Variants in ANKRD31 observed in about 807,000 individuals in gnomAD.
ANKRD31 encodes ankyrin repeat domain 31, also known as ankyrin repeat domain-containing protein 31.
Under a neutral mutation model 186.0 loss-of-function variants are expected in ANKRD31, and 147 were observed. The ratio of observed to expected loss-of-function variants is 0.79; its 90% confidence interval spans 0.69 to 0.91. The LOEUF is 0.91. ANKRD31 is among the 40% of genes least tolerant of loss of function. The pLI is 0.00. For missense variants in ANKRD31, 1,986 were observed against 2,148.8 expected, an observed-to-expected ratio of 0.92 and a Z score of 1.50; for synonymous variants, 673 against 736.4, an observed-to-expected ratio of 0.91 and a Z score of 1.39.
chr5:75,168,084 C>T (rs1444712678), intron 11 of ANKRD31, among the ~76,000 whole-genome samples: 1 of 151,964 alleles, frequency 6.6e-6, no homozygotes, highest in East Asian at 1.9e-4. Context: ...CATTATCAAA[C>T]AAGCAAACAA....
Position 75,236,624 on chromosome 5 carries a change from C to T in ANKRD31, c.63G>A (p.Val21=), listed in dbSNP as rs900203072. Residue 21 remains valine (V), a synonymous_variant, in exon 1 of 26, where the codon GTG becomes GTA. Coordinates refer to ENST00000506364, the MANE Select transcript of ANKRD31 (RefSeq NM_001372053.1). ...CCTTTTCTTCCAGGTCGCTCTCCGT[C>T]ACTGAACCCTCTATCACAGTTTCAT... is the stretch of plus-strand genomic sequence containing the variant. ...DSDETVIEGS[V]TESDLEEKEL... is the part of the protein sequence containing the mutation. 1 of 1,537,402 alleles carries T rather than the reference C, an allele frequency of 6.5e-7. No individual in the cohort carries two copies. The highest frequency in any genetic ancestry group is 2.4e-5 in the East Asian group (1 of 40,872).
At chr5:75,097,151 T>C (rs1207077283) in intron 22 of ANKRD31, among the ~76,000 whole-genome samples, 1 of 152,230 alleles carries the variant, frequency 6.6e-6, no homozygotes, top group African/African-American at 2.4e-5. Flanking sequence ...GCAGCATGAT[T>C]TATAATCCTT....
At chr5:75,081,173 G>T (rs1745048912) in intron 24 of ANKRD31, among the ~76,000 whole-genome samples, 1 of 152,168 alleles carries the variant, frequency 6.6e-6, no homozygotes, top group Admixed American at 6.5e-5. Flanking sequence ...ATGCCAGCAG[G>T]GCTCTGCCTA....
At chr5:75,215,836 C>T (rs184927204) in intron 3 of ANKRD31, among the ~76,000 whole-genome samples, 275 of 151,776 alleles carry the variant, frequency 1.8e-3, no homozygotes, top group African/African-American at 5.7e-3. Flanking sequence ...AAAAAAAACT[C>T]TGAGAAAGTA....
In ANKRD31 at chr5:75,144,132, G is replaced by C. The variant is rs1186027556; in HGVS notation, c.3464C>G (p.Thr1155Ser). The change falls in exon 15 of 26, where the codon ACT becomes AGT. Residue 1155 changes from threonine (T) to serine (S), a missense_variant. By Grantham distance (58) the Thr-to-Ser change is moderately conservative. Transcript: ENST00000506364. ...LTNNISGDEI[T>S]IRNCEEIKEK... Reference sequence around the variant, plus strand: ...TTTTATCTCCTCACAATTTCTTATAGTTATTTCATCTCCACTGATGTTATT... The same window carrying C: ...TTTTATCTCCTCACAATTTCTTATACTTATTTCATCTCCACTGATGTTATT... 1 of 397,194 alleles carries C rather than the reference G, an allele frequency of 2.5e-6. No individual in the cohort carries two copies. The highest frequency in any genetic ancestry group is 2.1e-5 in the African/African-American group (1 of 48,540). 24.6% of individuals were successfully genotyped at this position (397,194 alleles called of 1,614,324 possible). A position where few individuals can be genotyped will look rare whatever the true frequency, so the allele number is the denominator to read the frequency against.
intron 11 of ANKRD31, among the ~76,000 whole-genome samples, chr5:75,155,731 TA>T (rs1478498697): frequency 6.6e-6 from 1 of 152,124 alleles, no homozygotes; most frequent in African/African-American, 2.4e-5. Flanking sequence ...TGTATGTACC[TA>T]AAAATTAAAA....
chr5:75,099,244 C>T (rs1329627440), intron 22 of ANKRD31, among the ~76,000 whole-genome samples: 6 of 152,160 alleles, frequency 3.9e-5, no homozygotes, highest in African/African-American at 7.2e-5. Context: ...TATTGATTTG[C>T]GTATGTTGAA....
intron 2 of ANKRD31, 100 bp from the exon 3 acceptor site, chr5:75,222,458 T>C: frequency 1.3e-6 from 1 of 788,596 alleles, no homozygotes; most frequent in Non-Finnish European, 2.0e-6. Flanking sequence ...TTATCAAGAA[T>C]CATCTAGTAT....
chr5:75,161,302 C>G (rs1166198630), intron 11 of ANKRD31, among the ~76,000 whole-genome samples: 1 of 152,086 alleles, frequency 6.6e-6, no homozygotes, highest in African/African-American at 2.4e-5. Flanking sequence ...AAAGGTGACT[C>G]TTGTTATGTT....
chr5:75,109,287 G>A (rs893923838), intron 20 of ANKRD31, among the ~76,000 whole-genome samples: 2 of 152,266 alleles, frequency 1.3e-5, no homozygotes, highest in South Asian at 4.1e-4. Context: ...AGTTGAAGCA[G>A]TTCAGTTGAC....
chr5:75,139,012 T>C, intron 15 of ANKRD31, 29 bp from the exon 16 acceptor site: 2 of 1,534,610 alleles, frequency 1.3e-6, no homozygotes, highest in South Asian at 2.4e-5. Flanking sequence ...AGAGGTTTAT[T>C]TTCTGCCAAA....
chr5:75,084,302 CT>C lies in ANKRD31; in HGVS notation c.5544del (p.Val1849TyrfsTer15). ...AGACAAGGTTGATATTGCTGAGGTA[CT>C]GAGTTTGGTTCTGGAAGTATGGGTG... ...EDAPILPEPNSVPQQYQPCLP... is the reference protein window; with the variant it reads ...EDAPILPEPNXVPQQYQPCLP... On this transcript the variant is annotated frameshift_variant, in exon 24 of 26. Transcript: ENST00000506364. LOFTEE classifies it high-confidence loss of function. The C allele has an allele frequency of 2.0e-6, 3 of 1,537,068 alleles. No homozygotes were observed. Among genetic ancestry groups the C allele is most frequent in the Non-Finnish European group, 2.6e-6 (3 of 1,146,792 alleles).
rs1001036182 is a variant in ANKRD31, at chr5:75,178,841, A to G, written c.1564+9652T>C. On this transcript the variant is annotated intron_variant, in intron 10 of 25. Transcript: ENST00000506364. ...TTCAAAGAACTAGAGAAGCAAGAGCAAACACATTCAAAAGCTAGCAGAAGG... is the reference window on the plus strand; with the variant it reads ...TTCAAAGAACTAGAGAAGCAAGAGCGAACACATTCAAAAGCTAGCAGAAGG... Among the ~76,000 whole-genome samples, 7 of 152,198 alleles carry G rather than the reference A, an allele frequency of 4.6e-5. 1 individual carries two copies. Among genetic ancestry groups the G allele is most frequent in the African/African-American group, 9.7e-5 (4 of 41,444 alleles).
rs1345587465 is a variant in ANKRD31, at chr5:75,209,024, CT to C, written c.326+1803del. Among the ~76,000 whole-genome samples the C allele has an allele frequency of 4.6e-5, 7 of 152,300 alleles. No homozygotes were observed. In the East Asian group the frequency reaches 1.4e-3, roughly 29 times the overall value. On this transcript the variant is annotated intron_variant, in intron 4 of 25. Transcript: ENST00000506364. ...ATTGAGGGTAGAGGACGCTTTCCCC[CT>C]CTACCCCTAAAATATTCTTTTTCAA...
rs78259435 is a variant in ANKRD31, at chr5:75,230,829, T to C, written c.105-194A>G. On this transcript the variant is annotated intron_variant, in intron 1 of 25. Coordinates refer to ENST00000506364, the MANE Select transcript of ANKRD31 (RefSeq NM_001372053.1). ...CACATCCAAGATGAAAAATAAAGAC[T>C]CATCATGTTAATTTTACAAATATTC... Among the ~76,000 whole-genome samples, 731 of 152,316 alleles carry C rather than the reference T, an allele frequency of 4.8e-3. 12 individuals are homozygous for C. Among genetic ancestry groups the C allele is most frequent in the African/African-American group, 0.017 (696 of 41,560 alleles).
At chr5:75,215,214 G>A in intron 3 of ANKRD31, among the ~76,000 whole-genome samples, 1 of 152,226 alleles carries the variant, frequency 6.6e-6, no homozygotes, top group African/African-American at 2.4e-5. Context: ...AGGTCTTTTT[G>A]TTCTATTCAG....
chr5:75,224,184 C>CAA, intron 2 of ANKRD31, among the ~76,000 whole-genome samples: 1 of 126,616 alleles, frequency 7.9e-6, no homozygotes, highest in African/African-American at 3.3e-5. Flanking sequence ...TATATACACA[C>CAA]ATTTCTTCCA....
rs1272368721 is a variant in ANKRD31 at position 75,220,427 on chromosome 5, G to T, written c.288+1822C>A. ...GGCTGAGGCGGGTGGATCACCTGAG[G>T]TCGAAAGTTCGAGACCAGCCGAACC... On this transcript the variant is annotated intron_variant, in intron 3 of 25. Coordinates refer to ENST00000506364, the MANE Select transcript of ANKRD31 (RefSeq NM_001372053.1). 2.0e-5 allele frequency among the ~76,000 whole-genome samples: 3 copies of T among 151,988 alleles called. No homozygotes were observed. The East Asian group carries it at 5.8e-4, about 29-fold the overall frequency.
chr5:75,070,399 A>C (rs1744130635), intron 25 of ANKRD31, among the ~76,000 whole-genome samples: 1 of 152,204 alleles, frequency 6.6e-6, no homozygotes, highest in Non-Finnish European at 1.5e-5. Flanking sequence ...TAATGCATCT[A>C]CCATAATTTG....
Sources: gnomAD v4.1 joint callset for allele counts (sites outside exome capture counted in the v4.1 genomes callset) on GRCh38, gnomAD v4.1.1 for gene constraint, MANE v1.5 for transcripts, NCBI Gene and HGNC (gene_info 2026-07-23, HGNC 2026-07-21) for gene names.